RNF4: variants seen among roughly 807,000 people sequenced by gnomAD.
The protein encoded by RNF4 is E3 ubiquitin-protein ligase RNF4.
Under a neutral mutation model 24.3 loss-of-function variants are expected in RNF4, and 7 were observed. The observed-to-expected ratio is 0.29, with a 90% CI of 0.16 to 0.54. The LOEUF is 0.54. RNF4 is among the 20% of genes least tolerant of loss of function. RNF4 has a pLI of 0.95. For missense variants in RNF4, 209 were observed against 248.5 expected (o/e 0.84, Z 1.07); for synonymous variants, 83 against 84.3 (o/e 0.98, Z 0.09).
At chr4:2,493,709 A>G (rs1403550509) in intron 2 of RNF4, among the ~76,000 whole-genome samples, 2 of 127,612 alleles carry the variant, frequency 1.6e-5, no homozygotes, top group Non-Finnish European at 3.2e-5. Context: ...ATTCCACTGC[A>G]CTCCTGCCTG....
chr4:2,493,037 G>T (rs905231017), intron 2 of RNF4, among the ~76,000 whole-genome samples: 3 of 152,174 alleles, frequency 2.0e-5, no homozygotes, highest in African/African-American at 7.2e-5. Context: ...AAAAGGAAGA[G>T]AATTATGACC....
chr4:2,474,017 G>T (rs928383417), intron 1 of RNF4, among the ~76,000 whole-genome samples: 1 of 152,112 alleles, frequency 6.6e-6, no homozygotes, highest in African/African-American at 2.4e-5. Flanking sequence ...GGAAGCAGAG[G>T]TTGCAGTGAG....
Position 2,512,979 on chromosome 4 carries a change from G to A in RNF4, c.375-104G>A. ...GCCCGCGCTAAGGCAGAGTCAGGAG[G>A]CCAGGGACGGGACTCTTGTAGGGGA... On this transcript the variant is annotated intron_variant, in intron 6 of 7. Coordinates refer to ENST00000314289, the MANE Select transcript of RNF4 (RefSeq NM_002938.5). The surrounding 1 kb of genome is among the most constrained non-coding windows in gnomAD (Gnocchi z 4.1). 2.7e-6 allele frequency: 3 copies of A among 1,122,960 alleles called. No homozygotes were observed. The South Asian group carries it at 3.8e-5, about 14-fold the overall frequency. The allele number at this position is 1,122,960 out of a possible 1,614,324, so 69.6% of individuals were successfully genotyped here. A position where few individuals can be genotyped will look rare whatever the true frequency, so the allele number is the denominator to read the frequency against.
intron 4 of RNF4, among the ~76,000 whole-genome samples, chr4:2,507,582 G>C (rs1204664185): frequency 1.3e-5 from 2 of 152,128 alleles, no homozygotes; most frequent in Admixed American, 1.3e-4. Flanking sequence ...AGTGTGTCTT[G>C]GTGCCCTTGG....
intron 7 of RNF4, 36 bp from the exon 8 acceptor site, chr4:2,513,634 G>A (rs758666344): frequency 9.9e-6 from 16 of 1,610,340 alleles, no homozygotes; most frequent in Non-Finnish European, 1.3e-5. Flanking sequence ...TGGGACAAGG[G>A]CAAACTCGGA....
In RNF4 at chr4:2,490,433, T is replaced by C; in HGVS notation, c.-61T>C. The C allele has an allele frequency of 3.1e-6, 5 of 1,588,356 alleles. No homozygotes were observed. The highest frequency in any genetic ancestry group is 4.3e-6 in the Non-Finnish European group (5 of 1,162,528). On this transcript the variant is annotated 5_prime_UTR_variant, in exon 2 of 8. Transcript: ENST00000314289. ...AAAGGTTGAGAACATTTGACTTCCC[T>C]GCAAACCTTGGTATAGATCACTTCC...
At chr4:2,506,792 A>G (rs1736115293) in intron 4 of RNF4, among the ~76,000 whole-genome samples, 1 of 151,572 alleles carries the variant, frequency 6.6e-6, no homozygotes, top group African/African-American at 2.4e-5. Flanking sequence ...GTGGTCTCAA[A>G]CTCCTGGGCT....
chr4:2,474,049 C>T (rs1223812348), intron 1 of RNF4, among the ~76,000 whole-genome samples: 5 of 151,718 alleles, frequency 3.3e-5, no homozygotes, highest in Non-Finnish European at 7.4e-5. Context: ...CCACTGCACT[C>T]AAGCGTGGAC....
chr4:2,513,260 T>C (rs1736320366), intron 7 of RNF4, 129 bp downstream of exon 7: 1 of 861,018 alleles, frequency 1.2e-6, no homozygotes, highest in African/African-American at 1.7e-5. Context: ...GGGCCGTCAC[T>C]TATTGCAGAT....
At position 2,484,042 on chromosome 4, in the gene RNF4, G is replaced by A. The variant is rs568648530; in HGVS notation, c.-157-6295G>A. Among the ~76,000 whole-genome samples the A allele has an allele frequency of 2.0e-5, 2 of 100,800 alleles. 1 individual carries two copies. Among genetic ancestry groups the A allele is most frequent in the African/African-American group, 8.0e-5 (2 of 25,148 alleles). The allele number at this position is 100,800 out of a possible 152,430, so 66.1% of individuals were successfully genotyped here. Reference sequence around the variant, plus strand: ...GGGTTTCACCATATTGTTCAGGCTGGTCTCGAACTCCTGGCCTCAGGTGAT... The same window carrying A: ...GGGTTTCACCATATTGTTCAGGCTGATCTCGAACTCCTGGCCTCAGGTGAT... On this transcript the variant is annotated intron_variant, in intron 1 of 7. Transcript: ENST00000314289.
chr4:2,477,903 A>G (rs1735129559), intron 1 of RNF4, among the ~76,000 whole-genome samples: 1 of 152,200 alleles, frequency 6.6e-6, no homozygotes, highest in African/African-American at 2.4e-5. Flanking sequence ...AGGGATTGGA[A>G]CAGTTTGGAG....
chr4:2,493,764 AAGACTT>A (rs1431133223), intron 2 of RNF4, among the ~76,000 whole-genome samples: 1 of 151,184 alleles, frequency 6.6e-6, no homozygotes, highest in Admixed American at 6.6e-5. Flanking sequence ...AAAAAAAAAA[AAGACTT>A]GGCTACAAGG....
chr4:2,500,817 A>T, intron 4 of RNF4, 79 bp downstream of exon 4: 1 of 1,347,444 alleles, frequency 7.4e-7, no homozygotes. Flanking sequence ...AGCCTTGGTC[A>T]CAGACTCCAA....
chr4:2,477,930 G>A (rs1335626496), intron 1 of RNF4, among the ~76,000 whole-genome samples: 3 of 152,172 alleles, frequency 2.0e-5, no homozygotes, highest in Non-Finnish European at 2.9e-5. Context: ...GAAGAAGACA[G>A]GAAAATGTGG....
Position 2,484,071 on chromosome 4 carries a change from C to G in RNF4, c.-157-6266C>G, listed in dbSNP as rs1735328975. 2.8e-4 allele frequency among the ~76,000 whole-genome samples: 14 copies of G among 50,234 alleles called. 5 individuals carry two copies. The highest frequency in any genetic ancestry group is 7.5e-4 in the African/African-American group (11 of 14,574). The allele number at this position is 50,234 out of a possible 152,430, so 33.0% of individuals were successfully genotyped here. On this transcript the variant is annotated intron_variant, in intron 1 of 7. Coordinates refer to ENST00000314289, the MANE Select transcript of RNF4 (RefSeq NM_002938.5). ...CGAACTCCTGGCCTCAGGTGATCCCCCCCCGCCTCGGCCTCCCAAAGTGCT... is the reference window on the plus strand; with the variant it reads ...CGAACTCCTGGCCTCAGGTGATCCCGCCCCGCCTCGGCCTCCCAAAGTGCT...
intron 2 of RNF4, among the ~76,000 whole-genome samples, chr4:2,494,354 A>G (rs1735670851): frequency 6.8e-6 from 1 of 147,190 alleles, no homozygotes. Flanking sequence ...ATTTGTCCCA[A>G]TTGGCTAGCA....
intron 1 of RNF4, among the ~76,000 whole-genome samples, chr4:2,475,946 T>G (rs1188224513): frequency 6.6e-6 from 1 of 152,228 alleles, no homozygotes; most frequent in African/African-American, 2.4e-5. Flanking sequence ...CTGCTTTTTT[T>G]GTGTGGTGGG....
intron 1 of RNF4, among the ~76,000 whole-genome samples, chr4:2,482,492 T>TCATTATCAATGA (rs1735273308): frequency 2.0e-5 from 3 of 152,178 alleles, no homozygotes; most frequent in African/African-American, 7.2e-5. Context: ...AGTGGATCCT[T>TCATTATCAATGA]AGGTTTCCTT....
At chr4:2,483,513 G>C (rs1013012504) in intron 1 of RNF4, among the ~76,000 whole-genome samples, 1 of 152,184 alleles carries the variant, frequency 6.6e-6, no homozygotes, top group African/African-American at 2.4e-5. Context: ...CTGTTTAAGA[G>C]GTGTTTGTGA....
Sources: allele counts gnomAD v4.1 joint callset (sites outside exome capture counted in the v4.1 genomes callset), GRCh38; gene constraint gnomAD v4.1.1; non-coding constraint Gnocchi (gnomAD v3.1); transcripts MANE v1.5; gene names NCBI Gene and HGNC (gene_info 2026-07-23, HGNC 2026-07-21).